The following LUZP2 variants were observed in gnomAD, a reference collection of about 807,000 sequenced individuals.
LUZP2 encodes leucine zipper protein 2.
A neutral mutation model predicts 51.6 loss-of-function variants in LUZP2; 52 were observed. The ratio of observed to expected loss-of-function variants is 1.01; its 90% CI spans 0.81 to 1.27. The LOEUF is 1.27. LUZP2 is among the 50% of genes most tolerant of loss of function. The pLI is 0.00. For missense variants in LUZP2, 436 were observed against 395.4 expected, an observed-to-expected ratio of 1.10 and a Z score of -0.87; for synonymous variants, 154 against 137.3, an observed-to-expected ratio of 1.12 and a Z score of -0.85.
At chr11:24,597,783 C>T (rs1050463705) in intron 1 of LUZP2, among the ~76,000 whole-genome samples, 8 of 152,066 alleles carry the variant, frequency 5.3e-5, no homozygotes, top group Non-Finnish European at 7.4e-5. Context: ...AGGAGTTATA[C>T]TCACTTATTC....
Position 24,886,998 on chromosome 11 carries a change from G to T in LUZP2, c.397-18993G>T, listed in dbSNP as rs1041989996. On this transcript the variant is annotated intron_variant, in intron 5 of 11. Coordinates refer to ENST00000336930, the MANE Select transcript of LUZP2 (RefSeq NM_001009909.4). The stretch of plus-strand genomic sequence containing the variant: ...TCTTTTACCTGGTGAATGTCCTAAT[G>T]CCTATTTGCCTGATCTGTGACCAGG... Among the ~76,000 whole-genome samples the T allele has an allele frequency of 2.0e-5, 3 of 152,132 alleles. No homozygotes were observed. The East Asian group carries it at 5.8e-4, about 29-fold the overall frequency.
rs573197922 is a variant in LUZP2 at position 24,823,286 on chromosome 11, G to A, written c.396+59978G>A. Among the ~76,000 whole-genome samples the A allele has an allele frequency of 7.9e-5, 12 of 151,700 alleles. 1 individual carries two copies. In the South Asian group the frequency reaches 2.5e-3, roughly 32 times the overall value. On this transcript the variant is annotated intron_variant, in intron 5 of 11. Transcript: ENST00000336930. ...GAATGAGTTTCAGGAAGAATTAAAA[G>A]CAAGTCCAAAGGCACTGAGGTTTCA...
chr11:24,565,756 G>T (rs1208642988), intron 1 of LUZP2, among the ~76,000 whole-genome samples: 1 of 152,024 alleles, frequency 6.6e-6, no homozygotes, highest in Non-Finnish European at 1.5e-5. Context: ...ATACTAAAAA[G>T]TGCCTTACCA....
intron 1 of LUZP2, among the ~76,000 whole-genome samples, chr11:24,498,763 T>C (rs1011826281): frequency 1.3e-5 from 2 of 152,226 alleles, no homozygotes; most frequent in African/African-American, 4.8e-5. Context: ...CACTCTTATG[T>C]TGTGATTTAG....
In LUZP2 at chr11:24,874,509, C is replaced by G. The variant is rs1040840400; in HGVS notation, c.397-31482C>G. 4.6e-5 allele frequency among the ~76,000 whole-genome samples: 7 copies of G among 152,124 alleles called. No homozygotes were observed. The East Asian group carries it at 1.2e-3, about 25-fold the overall frequency. ...ATGCACAGGACTGTATGCCTGCACT[C>G]CAATCCCACTGTGCCATGCTGCACC... On this transcript the variant is annotated intron_variant, in intron 5 of 11. Transcript: ENST00000336930.
At chr11:24,790,707 G>A (rs1359972318) in intron 5 of LUZP2, among the ~76,000 whole-genome samples, 1 of 152,002 alleles carries the variant, frequency 6.6e-6, no homozygotes, top group Admixed American at 6.6e-5. Flanking sequence ...TCACCGTGTT[G>A]GCTAGGTTAG....
At chr11:24,794,813 A>G (rs1037452851) in intron 5 of LUZP2, among the ~76,000 whole-genome samples, 3 of 152,132 alleles carry the variant, frequency 2.0e-5, no homozygotes, top group Non-Finnish European at 4.4e-5. Context: ...AATAAAAGAT[A>G]TAAGATACCA....
chr11:24,751,920 TA>T (rs1299259360), intron 4 of LUZP2, among the ~76,000 whole-genome samples: 2 of 151,700 alleles, frequency 1.3e-5, no homozygotes, highest in South Asian at 2.1e-4. Context: ...CAAAAAATCA[TA>T]AAAAAACTAC....
chr11:24,825,250 A>G (rs1314691474), intron 5 of LUZP2, among the ~76,000 whole-genome samples: 1 of 152,214 alleles, frequency 6.6e-6, no homozygotes. Context: ...GTACATTCTT[A>G]CTATATTCTT....
intron 1 of LUZP2, among the ~76,000 whole-genome samples, chr11:24,544,003 C>A (rs1428491475): frequency 6.6e-6 from 1 of 151,918 alleles, no homozygotes; most frequent in African/African-American, 2.4e-5. Context: ...AGCCTGAAAA[C>A]CCAAGAAGTG....
At chr11:24,757,320 A>G (rs190910862) in intron 4 of LUZP2, among the ~76,000 whole-genome samples, 363 of 152,274 alleles carry the variant, frequency 2.4e-3, no homozygotes, top group Non-Finnish European at 4.4e-3. Flanking sequence ...ATGTTATTAA[A>G]CTCTATTTTA....
chr11:24,643,237 C>T (rs1167094756), intron 1 of LUZP2, among the ~76,000 whole-genome samples: 2 of 118,780 alleles, frequency 1.7e-5, no homozygotes, highest in Non-Finnish European at 3.3e-5. Flanking sequence ...GGTGAAACCT[C>T]GTCTGTACTA....
chr11:24,880,776 G>A (rs1244495993), intron 5 of LUZP2, among the ~76,000 whole-genome samples: 3 of 152,202 alleles, frequency 2.0e-5, no homozygotes, highest in East Asian at 1.9e-4. Flanking sequence ...GTGTGTGTAT[G>A]TGTGTGTTTG....
intron 1 of LUZP2, among the ~76,000 whole-genome samples, chr11:24,509,016 C>T (rs1311858443): frequency 1.3e-5 from 2 of 152,092 alleles, no homozygotes; most frequent in African/African-American, 4.8e-5. Flanking sequence ...AACTCAGAAA[C>T]TAAGGAGCTG....
At chr11:24,763,745 A>G (rs1860074047) in intron 5 of LUZP2, among the ~76,000 whole-genome samples, 1 of 152,180 alleles carries the variant, frequency 6.6e-6, no homozygotes, top group African/African-American at 2.4e-5. Context: ...AGTTGTAATC[A>G]TTTCCATGAT....
intron 9 of LUZP2, among the ~76,000 whole-genome samples, chr11:25,036,135 A>G (rs189396014): frequency 1.4e-3 from 219 of 152,180 alleles, no homozygotes; most frequent in African/African-American, 5.0e-3. Context: ...TGCTGATTCA[A>G]TTTTATAAGT....
At chr11:25,001,893 C>T (rs1856691739) in intron 9 of LUZP2, among the ~76,000 whole-genome samples, 1 of 152,130 alleles carries the variant, frequency 6.6e-6, no homozygotes, top group South Asian at 2.1e-4. Flanking sequence ...TTTCTGCTGC[C>T]TCTGCCAGCT....
At position 24,589,856 on chromosome 11, in the gene LUZP2, C is replaced by T. The variant is rs574802876; in HGVS notation, c.62+92551C>T. 1.5e-4 allele frequency among the ~76,000 whole-genome samples: 23 copies of T among 152,150 alleles called. No individual in the cohort carries two copies. The South Asian group carries it at 4.2e-3, about 27-fold the overall frequency. On this transcript the variant is annotated intron_variant, in intron 1 of 11. Coordinates refer to ENST00000336930, the MANE Select transcript of LUZP2 (RefSeq NM_001009909.4). ...CCTTTTCAGCTCATCTGATCCCAAA[C>T]GGAACATTTTCAGTTCTAACACTGA...
At chr11:24,878,397 G>A (rs1852345501) in intron 5 of LUZP2, among the ~76,000 whole-genome samples, 1 of 151,958 alleles carries the variant, frequency 6.6e-6, no homozygotes, top group Non-Finnish European at 1.5e-5. Flanking sequence ...GGTTTACCCT[G>A]AAAAATCTGC....
Sources: allele counts gnomAD v4.1 joint callset (sites outside exome capture counted in the v4.1 genomes callset), GRCh38; gene constraint gnomAD v4.1.1; transcripts MANE v1.5; gene names NCBI Gene and HGNC (gene_info 2026-07-23, HGNC 2026-07-21).